The following IL1RAPL1 variants were observed in gnomAD, a reference collection of about 807,000 sequenced individuals.
IL1RAPL1 encodes the protein interleukin-1 receptor accessory protein-like 1.
A neutral mutation model predicts 48.4 loss-of-function variants in IL1RAPL1; 3 were observed. That is an observed-to-expected ratio of 0.06 (90% confidence interval 0.03 to 0.16). IL1RAPL1 has a LOEUF of 0.16. Among genes scored for constraint, IL1RAPL1 ranks in the 10% least tolerant of loss-of-function variants. The pLI is 1.00. For synonymous variants in IL1RAPL1, 185 were observed against 187.7 expected (o/e 0.99, Z 0.12); for missense variants, 349 against 530.6 (o/e 0.66, Z 3.36).
At chrX:29,502,335 T>G (rs1429761558) in intron 5 of IL1RAPL1, among the ~76,000 whole-genome samples, 3 of 111,429 alleles carry the variant, frequency 2.7e-5, no homozygotes, top group Non-Finnish European at 3.8e-5. Context: ...AGTTGCTCTG[T>G]CTAGGACTTC....
At chrX:29,738,155 A>G (rs1928097298) in intron 6 of IL1RAPL1, among the ~76,000 whole-genome samples, 1 of 112,007 alleles carries the variant, frequency 8.9e-6, no homozygotes, top group Non-Finnish European at 1.9e-5. Flanking sequence ...TCAATTCCAG[A>G]TCACAGAGGA....
At chrX:29,435,109 C>T (rs1934468267) in intron 5 of IL1RAPL1, among the ~76,000 whole-genome samples, 1 of 111,124 alleles carries the variant, frequency 9.0e-6, no homozygotes, top group Non-Finnish European at 1.9e-5. Flanking sequence ...AAGGTTCATA[C>T]GTACTGTAGC....
At chrX:29,168,200 A>T (rs1190280670) in intron 2 of IL1RAPL1, among the ~76,000 whole-genome samples, 2 of 109,249 alleles carry the variant, frequency 1.8e-5, no homozygotes, top group African/African-American at 6.6e-5. Flanking sequence ...AGCATTCAAA[A>T]TCTTCACTTC....
intron 5 of IL1RAPL1, among the ~76,000 whole-genome samples, chrX:29,510,194 G>A (rs1935379632): frequency 8.9e-6 from 1 of 112,342 alleles, no homozygotes; most frequent in African/African-American, 3.2e-5. Flanking sequence ...TGAGATTACT[G>A]ATTGAATTTG....
chrX:29,872,623 G>GTCTT (rs1444353253), intron 6 of IL1RAPL1, among the ~76,000 whole-genome samples: 1 of 111,931 alleles, frequency 8.9e-6, no homozygotes, highest in East Asian at 2.8e-4. Flanking sequence ...CACTTAAGAT[G>GTCTT]TCTTACCTGT....
Position 29,001,086 on chromosome X carries a change from C to T in IL1RAPL1, c.82+211661C>T, listed in dbSNP as rs376827351. 8.1e-5 allele frequency among the ~76,000 whole-genome samples: 9 copies of T among 111,114 alleles called. No homozygotes were observed. In the South Asian group the frequency reaches 1.5e-3, roughly 19 times the overall value. ...CATGTGAGAAATACACATTTATCTT[C>T]ATTTACCCTGGAAGGTTTTCTCCTT... On this transcript the variant is annotated intron_variant, in intron 2 of 10. Coordinates refer to ENST00000378993, the MANE Select transcript of IL1RAPL1 (RefSeq NM_014271.4).
intron 2 of IL1RAPL1, among the ~76,000 whole-genome samples, chrX:28,907,238 A>C (rs1334165555): frequency 9.0e-6 from 1 of 110,928 alleles, no homozygotes; most frequent in Non-Finnish European, 1.9e-5. Flanking sequence ...GCATTAATTG[A>C]TGTTTTATTA....
intron 1 of IL1RAPL1, among the ~76,000 whole-genome samples, chrX:28,597,245 G>A (rs373119327): frequency 9.0e-6 from 1 of 111,300 alleles, no homozygotes; most frequent in Non-Finnish European, 1.9e-5. Context: ...TTCATGACCC[G>A]CTCAGATTTA....
intron 5 of IL1RAPL1, among the ~76,000 whole-genome samples, chrX:29,540,262 A>C (rs1016560426): frequency 3.6e-4 from 30 of 83,371 alleles, no homozygotes; most frequent in Admixed American, 8.0e-4. Context: ...AAAATATTGC[A>C]AAAAAAAAAA....
At chrX:29,899,018 G>C in intron 6 of IL1RAPL1, among the ~76,000 whole-genome samples, 1 of 111,699 alleles carries the variant, frequency 9.0e-6, no homozygotes, top group East Asian at 2.8e-4. Context: ...ACCTAGATCA[G>C]TGCCTTATAA....
chrX:28,731,950 A>T (rs1263037848), intron 1 of IL1RAPL1, among the ~76,000 whole-genome samples: 5 of 111,936 alleles, frequency 4.5e-5, no homozygotes, highest in African/African-American at 1.6e-4. Context: ...AAACTGGGGC[A>T]AGAATCAAAG....
rs1569202837 is a variant in IL1RAPL1, at chrX:29,917,600, A to T, written c.911+4A>T. 1.7e-6 allele frequency: 2 copies of T among 1,196,117 alleles called. No homozygotes were observed. The highest frequency in any genetic ancestry group is 1.8e-5 in the African/African-American group (1 of 56,492). On this transcript the variant is annotated splice_donor_region_variant and intron_variant, in intron 7 of 10. Transcript: ENST00000378993. ...GAGTTTGGGAAAGTGACATTAGGTA[A>T]TTTTTTTTCCTTTTAACCTGTATAG... is the stretch of plus-strand genomic sequence containing the variant.
chrX:28,912,858 G>T (rs1265145069), intron 2 of IL1RAPL1, among the ~76,000 whole-genome samples: 1 of 111,556 alleles, frequency 9.0e-6, no homozygotes, highest in Non-Finnish European at 1.9e-5. Context: ...TTGTAGCTCA[G>T]TTTAAAAAAA....
chrX:29,332,745 T>C (rs750666512), intron 3 of IL1RAPL1, among the ~76,000 whole-genome samples: 2,236 of 99,369 alleles, frequency 0.023, no homozygotes, highest in Middle Eastern at 0.033. Flanking sequence ...GGTCAGCAGA[T>C]AAACAAGTGA....
chrX:29,672,930 A>T (rs1347317067), intron 6 of IL1RAPL1, among the ~76,000 whole-genome samples: 1 of 112,304 alleles, frequency 8.9e-6, no homozygotes, highest in Non-Finnish European at 1.9e-5. Context: ...ATGGTTGGGG[A>T]CATAAAGAAA....
At chrX:29,325,828 G>A (rs1173207510) in intron 3 of IL1RAPL1, among the ~76,000 whole-genome samples, 1 of 111,955 alleles carries the variant, frequency 8.9e-6, no homozygotes, top group Non-Finnish European at 1.9e-5. Context: ...TTCTGATCAT[G>A]GCAGAAGGTG....
intron 6 of IL1RAPL1, among the ~76,000 whole-genome samples, chrX:29,851,551 C>T (rs1181236102): frequency 1.8e-5 from 2 of 112,103 alleles, no homozygotes; most frequent in East Asian, 2.8e-4. Context: ...TCCTTCTAGA[C>T]ATTTATTGGT....
chrX:29,039,805 A>T (rs899962359), intron 2 of IL1RAPL1, among the ~76,000 whole-genome samples: 1 of 109,483 alleles, frequency 9.1e-6, no homozygotes, highest in South Asian at 3.9e-4. Context: ...AAAAAAAAAA[A>T]AAATCCTGAG....
intron 5 of IL1RAPL1, among the ~76,000 whole-genome samples, chrX:29,416,638 G>C: frequency 8.9e-6 from 1 of 112,011 alleles, no homozygotes; most frequent in Non-Finnish European, 1.9e-5. Flanking sequence ...GCAGCAAAGG[G>C]TGACTACATT....
Sources: allele counts gnomAD v4.1 joint callset (sites outside exome capture counted in the v4.1 genomes callset), GRCh38; gene constraint gnomAD v4.1.1; transcripts MANE v1.5; gene names NCBI Gene and HGNC (gene_info 2026-07-23, HGNC 2026-07-21).